AHNAK: variants seen among roughly 807,000 people sequenced by gnomAD.
The protein encoded by AHNAK is neuroblast differentiation-associated protein AHNAK.
In AHNAK, 23 loss-of-function variants were observed where a neutral mutation model predicts 37.8. The observed-to-expected ratio is 0.61, with a 90% CI of 0.44 to 0.86. The LOEUF is 0.86. Ranked by LOEUF, AHNAK falls within the 40% of genes least tolerant of loss-of-function variation. The pLI is 0.00. For missense variants in AHNAK, 7,411 were observed against 7,319.4 expected (o/e 1.01, Z -0.46); for synonymous variants, 2,481 against 2,636.3 (o/e 0.94, Z 1.80).
At chr11:62,438,555 G>A (rs1047459914) in intron 5 of AHNAK, among the ~76,000 whole-genome samples, 5 of 151,918 alleles carry the variant, frequency 3.3e-5, no homozygotes, top group Non-Finnish European at 7.4e-5. Flanking sequence ...TTTTAGAAAC[G>A]AATACTTTAT....
rs529660127 is a variant in AHNAK, at chr11:62,519,114, T to G, written c.15303A>C (p.Lys5101Asn). 5.0e-6 allele frequency: 8 copies of G among 1,613,784 alleles called. No individual in the cohort carries two copies. In the African/African-American group the frequency reaches 1.1e-4, roughly 22 times the overall value. ...PDVEFDIKSP[K>N]FKAEAPLPSP... ...TAGGGAGAGGGGCCTCAGCTTTAAA[T>G]TTAGGTGATTTAATGTCAAACTCTA... is the stretch of plus-strand genomic sequence containing the variant. Residue 5101 changes from lysine to asparagine, a missense_variant, in exon 5 of 5, where the codon AAA (lysine) becomes AAC (asparagine). By Grantham distance (94) the Lys-to-Asn change is moderately conservative. Transcript: ENST00000378024.
intron 5 of AHNAK, among the ~76,000 whole-genome samples, chr11:62,475,710 T>C (rs561861908): frequency 2.7e-5 from 4 of 148,958 alleles, no homozygotes; most frequent in Non-Finnish European, 5.9e-5. Context: ...TCTCAGGTGA[T>C]TCTCCTGCCC....
At chr11:62,495,789 C>G (rs1326795187) in intron 4 of AHNAK, among the ~76,000 whole-genome samples, 1 of 149,428 alleles carries the variant, frequency 6.7e-6, no homozygotes, top group Non-Finnish European at 1.5e-5. Flanking sequence ...TGGCTCATGC[C>G]TGTAATCCCA....
chr11:62,461,544 C>G (rs888896606), intron 5 of AHNAK, among the ~76,000 whole-genome samples: 1 of 152,042 alleles, frequency 6.6e-6, no homozygotes, highest in Non-Finnish European at 1.5e-5. Flanking sequence ...AGAGAAGGGC[C>G]AAGCCTAAGG....
rs1403854473 is a variant in AHNAK, at chr11:62,519,802, G to C, written c.14615C>G (p.Pro4872Arg). 6.2e-7 allele frequency: 1 copy of C among 1,614,056 alleles called. No individual in the cohort carries two copies. The highest frequency in any genetic ancestry group is 8.5e-7 in the Non-Finnish European group (1 of 1,179,970). The change falls in exon 5 of 5, where the codon CCT becomes CGT. Residue 4872 changes from proline to arginine, a missense_variant. Transcript: ENST00000378024. ...GCCTTTCAAAGTCCCTTCAACCTTAGGGACAGACACATCAAAATCTCCTTT... is the reference window on the plus strand; with the variant it reads ...GCCTTTCAAAGTCCCTTCAACCTTACGGACAGACACATCAAAATCTCCTTT... ...KVKGDFDVSV[P>R]KVEGTLKGPE...
intron 5 of AHNAK, among the ~76,000 whole-genome samples, chr11:62,486,402 G>C (rs1001468583): frequency 1.3e-5 from 2 of 152,106 alleles, no homozygotes. Context: ...GAACCCAGGA[G>C]GCGGACGTTG....
Position 62,524,576 on chromosome 11 carries a change from G to C in AHNAK, c.9841C>G (p.Leu3281Val). ...GPDAKLKGPK[L>V]KMPDMHVNMP... is the part of the protein sequence containing the mutation. ...TTTACATGCATGTCAGGCATCTTCA[G>C]TTTTGGACCTTTTAATTTGGCATCT... The change falls in exon 5 of 5, where the codon CTG (leucine) becomes GTG (valine). Residue 3281 changes from leucine to valine, a missense_variant. Physicochemically the swap from Leu to Val is conservative, Grantham distance 32. Coordinates refer to ENST00000378024, the MANE Select transcript of AHNAK (RefSeq NM_001620.3). 6.2e-7 allele frequency: 1 copy of C among 1,613,876 alleles called. No individual in the cohort carries two copies. Among genetic ancestry groups the C allele is most frequent in the Non-Finnish European group, 8.5e-7 (1 of 1,179,956 alleles).
In AHNAK at chr11:62,518,709, A is replaced by G. The variant is rs1461682029; in HGVS notation, c.15708T>C (p.Phe5236=). 6.2e-6 allele frequency: 10 copies of G among 1,614,016 alleles called. No homozygotes were observed. The highest frequency in any genetic ancestry group is 6.8e-6 in the Non-Finnish European group (8 of 1,180,030). Residue 5236 remains phenylalanine, a synonymous_variant, in exon 5 of 5, where the codon TTT becomes TTC. Coordinates refer to ENST00000378024, the MANE Select transcript of AHNAK (RefSeq NM_001620.3). The part of the protein sequence containing the change: ...GPEAKIKFPK[F]SMPKIGIPGV... The stretch of plus-strand genomic sequence containing the variant: ...CTGGGATGCCGATCTTGGGCATGGA[A>G]AACTTGGGGAACTTAATTTTTGCTT...
chr11:62,519,988 T>A lies in AHNAK; in HGVS notation c.14429A>T (p.Asp4810Val). 1 of 1,613,604 alleles carries A rather than the reference T, an allele frequency of 6.2e-7. No individual in the cohort carries two copies. The highest frequency in any genetic ancestry group is 8.5e-7 in the Non-Finnish European group (1 of 1,179,892). The part of the protein sequence containing the change: ...VDVSLPKADI[D>V]VSGPKVDVDI... ...AACGTCCACCTTGGGTCCCGAGACATCGATGTCGGCCTTGGGCAGGCTCAC... is the reference window on the plus strand; with the variant it reads ...AACGTCCACCTTGGGTCCCGAGACAACGATGTCGGCCTTGGGCAGGCTCAC... Residue 4810 changes from aspartate to valine, a missense_variant, in exon 5 of 5, where the codon GAT becomes GTT. Coordinates refer to ENST00000378024, the MANE Select transcript of AHNAK (RefSeq NM_001620.3).
At chr11:62,475,938 GT>G (rs1215410849) in intron 5 of AHNAK, among the ~76,000 whole-genome samples, 3 of 152,092 alleles carry the variant, frequency 2.0e-5, no homozygotes, top group African/African-American at 7.2e-5. Context: ...CTCGCCTTAA[GT>G]TTTTTTGCTA....
At chr11:62,488,972 G>C (rs2134888684) in intron 5 of AHNAK, among the ~76,000 whole-genome samples, 1 of 152,114 alleles carries the variant, frequency 6.6e-6, no homozygotes. Context: ...CCAGCGCGGT[G>C]GCTCACACCT....
chr11:62,527,384 C>A lies in AHNAK; in HGVS notation c.7033G>T (p.Glu2345Ter). ...PKLEGELKGP[E>*]LDVKGPKLDA... is the part of the protein sequence containing the mutation. ...AATTTGGGACCTTTGACATCCAATT[C>A]TGGACCTTTTAACTCTCCCTCCAGC... Residue 2345 changes from glutamate (E) to a stop codon, truncating the protein, a stop_gained, in exon 5 of 5, where the codon GAA becomes TAA. Coordinates refer to ENST00000378024, the MANE Select transcript of AHNAK (RefSeq NM_001620.3). LOFTEE classifies it low-confidence loss of function (END_TRUNC). 6.2e-7 allele frequency: 1 copy of A among 1,614,258 alleles called. No homozygotes were observed. The highest frequency in any genetic ancestry group is 8.5e-7 in the Non-Finnish European group (1 of 1,180,038).
chr11:62,499,574 C>G (rs934220581), intron 4 of AHNAK, among the ~76,000 whole-genome samples: 1 of 152,090 alleles, frequency 6.6e-6, no homozygotes, highest in Non-Finnish European at 1.5e-5. Flanking sequence ...ACCAGCCGCA[C>G]AAGTTGAGCT....
At position 62,504,967 on chromosome 11, in the gene AHNAK, A is replaced by G. The variant is rs1406898671; in HGVS notation, c.343-13136T>C. On this transcript the variant is annotated intron_variant, in intron 4 of 5. Coordinates refer to the AHNAK transcript ENST00000257247. ...CAGGGTCTAAAAGCTCTCTTTTTAA[A>G]TGTAAAGTTTCAAAAGCAATAACAT... Among the ~76,000 whole-genome samples, 4 of 152,304 alleles carry G rather than the reference A, an allele frequency of 2.6e-5. No individual in the cohort carries two copies. In the East Asian group the frequency reaches 7.7e-4, roughly 29 times the overall value.
In AHNAK at chr11:62,531,725, C is replaced by T. The variant is rs138350682; in HGVS notation, c.2692G>A (p.Asp898Asn). 6.8e-6 allele frequency: 11 copies of T among 1,614,040 alleles called. No homozygotes were observed. The African/African-American group carries it at 1.2e-4, about 18-fold the overall frequency. Reference protein sequence around the residue: ...PGFKAEGPEVDVNLPKADVDI... With the variant: ...PGFKAEGPEVNVNLPKADVDI... ...ACATCAGCCTTGGGCAGGTTCACATCCACTTCTGGGCCCTCTGCTTTGAAG... is the reference window on the plus strand; with the variant it reads ...ACATCAGCCTTGGGCAGGTTCACATTCACTTCTGGGCCCTCTGCTTTGAAG... The change falls in exon 5 of 5, where the codon GAT becomes AAT. Residue 898 changes from aspartate to asparagine, a missense_variant. Transcript: ENST00000378024.
chr11:62,516,186 G>C lies in AHNAK; in HGVS notation c.*558C>G. On this transcript the variant is annotated 3_prime_UTR_variant, in exon 5 of 5. Coordinates refer to ENST00000378024, the MANE Select transcript of AHNAK (RefSeq NM_001620.3). ...AACTGGCTGGGACCACCACCCCTGG[G>C]TGAAAGAAACAACACTAAAGAACCC... is the stretch of plus-strand genomic sequence containing the variant. The C allele has an allele frequency of 7.8e-7, 1 of 1,289,114 alleles. No individual in the cohort carries two copies. Among genetic ancestry groups the C allele is most frequent in the Non-Finnish European group, 1.0e-6 (1 of 988,666 alleles). The allele number at this position is 1,289,114 out of a possible 1,614,324, so 79.9% of individuals were successfully genotyped here.
At chr11:62,437,672 C>A (rs994654145) in intron 5 of AHNAK, among the ~76,000 whole-genome samples, 7 of 152,086 alleles carry the variant, frequency 4.6e-5, no homozygotes, top group African/African-American at 1.7e-4. Flanking sequence ...ATCCCTTACC[C>A]AAATACTTAG....
rs1248495981 is a variant in AHNAK, at chr11:62,525,462, C to G, written c.8955G>C (p.Leu2985=). ...PKVKGDVDIS[L]PKVEGDLKGP... Reference sequence around the variant, plus strand: ...CCTTGAGGTCACCTTCCACTTTGGGCAGAGAAATATCCACATCGCCCTTCA... The same window carrying G: ...CCTTGAGGTCACCTTCCACTTTGGGGAGAGAAATATCCACATCGCCCTTCA... Residue 2985 remains leucine, a synonymous_variant, in exon 5 of 5, where the codon CTG becomes CTC. Transcript: ENST00000378024. 6.2e-7 allele frequency: 1 copy of G among 1,613,126 alleles called. No individual in the cohort carries two copies. Among genetic ancestry groups the G allele is most frequent in the Non-Finnish European group, 8.5e-7 (1 of 1,179,816 alleles).
rs143885910 is a variant in AHNAK at position 62,524,901 on chromosome 11, C to T, written c.9516G>A (p.Val3172=). 124 of 1,613,688 alleles carry T rather than the reference C, an allele frequency of 7.7e-5. No homozygotes were observed. The African/African-American group carries it at 1.5e-3, about 20-fold the overall frequency. The change falls in exon 5 of 5, where the codon GTG becomes GTA. Residue 3172 remains valine, a synonymous_variant. Transcript: ENST00000378024. ...CGTCAAGGTCAGCCTTGGGCAGGTT[C>T]ACGTCCACTTCTGGACCTTCTCCTT... ...GFKGEGPEVD[V]NLPKADLDVS...
Sources: allele counts gnomAD v4.1 joint callset (sites outside exome capture counted in the v4.1 genomes callset), GRCh38; gene constraint gnomAD v4.1.1; transcripts MANE v1.5; gene names NCBI Gene and HGNC (gene_info 2026-07-23, HGNC 2026-07-21).